The following ADNP2 variants were observed in gnomAD, a reference collection of about 807,000 sequenced individuals.
ADNP2 encodes ADNP homeobox 2.
Under a neutral mutation model 16.4 loss-of-function variants are expected in ADNP2, and 8 were observed. The observed-to-expected ratio is 0.49, with a 90% CI of 0.29 to 0.88. ADNP2 has a LOEUF of 0.88. ADNP2 is among the 40% of genes least tolerant of loss of function. The pLI is 0.09. For missense variants in ADNP2, 1,397 were observed against 1,395.1 expected (o/e 1.00, Z -0.02); for synonymous variants, 637 against 545.8 (o/e 1.17, Z -2.33).
intron 2 of ADNP2, among the ~76,000 whole-genome samples, chr18:80,127,156 A>G (rs1465777736): frequency 6.6e-6 from 1 of 152,070 alleles, no homozygotes; most frequent in Non-Finnish European, 1.5e-5. Flanking sequence ...TATAAGTTGT[A>G]TTTTATTGTA....
At position 80,125,819 on chromosome 18, in the gene ADNP2, T is replaced by A. The variant is rs1314654381; in HGVS notation, c.109-7284T>A. Among the ~76,000 whole-genome samples, 3 of 151,914 alleles carry A rather than the reference T, an allele frequency of 2.0e-5. No individual in the cohort carries two copies. In the East Asian group the frequency reaches 5.8e-4, roughly 29 times the overall value. On this transcript the variant is annotated intron_variant, in intron 2 of 3. Coordinates refer to ENST00000262198, the MANE Select transcript of ADNP2 (RefSeq NM_014913.4). ...AAGTGAGACACTGTCTCAAAAAAAATTTTTTTAATTAAAAGAAGTTTATTG... is the reference window on the plus strand; with the variant it reads ...AAGTGAGACACTGTCTCAAAAAAAAATTTTTTAATTAAAAGAAGTTTATTG...
In ADNP2 at chr18:80,135,762, C is replaced by T; in HGVS notation, c.349C>T (p.Pro117Ser). 6.2e-7 allele frequency: 1 copy of T among 1,614,194 alleles called. No homozygotes were observed. Among genetic ancestry groups the T allele is most frequent in the Non-Finnish European group, 8.5e-7 (1 of 1,180,036 alleles). The change falls in exon 4 of 4, where the codon CCC becomes TCC. Residue 117 changes from proline (P) to serine (S), a missense_variant. By Grantham distance (74) the Pro-to-Ser change is moderately conservative (BLOSUM62 -1). Coordinates refer to ENST00000262198, the MANE Select transcript of ADNP2 (RefSeq NM_014913.4). Reference protein sequence around the residue: ...PCPNCVFASQPKVVGRHFRMF... With the variant: ...PCPNCVFASQSKVVGRHFRMF... ...CCCAAACTGTGTATTTGCATCTCAG[C>T]CCAAAGTTGTGGGAAGGCACTTCAG...
Position 80,136,484 on chromosome 18 carries a change from T to A in ADNP2, c.1071T>A (p.Leu357=), listed in dbSNP as rs1357157150. Residue 357 remains leucine (L), a synonymous_variant, in exon 4 of 4, where the codon CTT becomes CTA. Coordinates refer to ENST00000262198, the MANE Select transcript of ADNP2 (RefSeq NM_014913.4). The part of the protein sequence containing the change: ...LQPPAPQPVF[L]SHGVPLHQSV... ...CCCCAGCACCTCAGCCCGTCTTTCT[T>A]TCTCACGGGGTTCCACTTCATCAGT... The A allele has an allele frequency of 6.2e-7, 1 of 1,614,140 alleles. No homozygotes were observed. The highest frequency in any genetic ancestry group is 1.7e-5 in the Admixed American group (1 of 60,020).
At chr18:80,126,882 A>G (rs1044925446) in intron 2 of ADNP2, among the ~76,000 whole-genome samples, 3 of 152,202 alleles carry the variant, frequency 2.0e-5, no homozygotes, top group African/African-American at 7.2e-5. Flanking sequence ...CACGGTTTGA[A>G]AATATTATAT....
intron 2 of ADNP2, among the ~76,000 whole-genome samples, chr18:80,118,539 A>G (rs936265493): frequency 3.9e-5 from 6 of 152,124 alleles, no homozygotes; most frequent in Non-Finnish European, 4.4e-5. Context: ...AATGTAGTCT[A>G]GGATCAGGTA....
chr18:80,117,501 A>G (rs762101730), intron 1 of ADNP2, 29 bp from the exon 2 acceptor site: 2 of 1,422,774 alleles, frequency 1.4e-6, no homozygotes, highest in Non-Finnish European at 1.9e-6. Context: ...ACATGTACTT[A>G]TTACAGTTTT....
chr18:80,133,400 T>TA (rs2052511167), intron 3 of ADNP2, among the ~76,000 whole-genome samples: 1 of 152,322 alleles, frequency 6.6e-6, no homozygotes, highest in African/African-American at 2.4e-5. Flanking sequence ...GCAGAGTTGA[T>TA]ACAGTGATGC....
chr18:80,133,834 A>ATT (rs746819845), intron 3 of ADNP2: 8 of 144,920 alleles, frequency 5.5e-5, no homozygotes, highest in South Asian at 2.2e-4. Flanking sequence ...CGTTGTCAGA[A>ATT]TTTTTTTTTT....
In ADNP2 at chr18:80,135,661, A is replaced by G. The variant is rs1478767422; in HGVS notation, c.248A>G (p.Lys83Arg). 6.2e-7 allele frequency: 1 copy of G among 1,614,126 alleles called. No individual in the cohort carries two copies. Among genetic ancestry groups the G allele is most frequent in the East Asian group, 2.2e-5 (1 of 44,902 alleles). Reference protein sequence around the residue: ...YCCGLCKYSTKVLTSFKNHLH... With the variant: ...YCCGLCKYSTRVLTSFKNHLH... ...TGTGGCCTCTGTAAATACTCTACAA[A>G]GGTGCTTACTTCATTCAAGAATCAT... The change falls in exon 4 of 4, where the codon AAG becomes AGG. Residue 83 changes from lysine (K) to arginine (R), a missense_variant. By Grantham distance (26) the Lys-to-Arg change is conservative. Around this residue, in one of 3 missense-constraint regions of ADNP2, gnomAD observed 777 missense variants for 719.4 expected, o/e 1.08. Coordinates refer to ENST00000262198, the MANE Select transcript of ADNP2 (RefSeq NM_014913.4).
intron 2 of ADNP2, among the ~76,000 whole-genome samples, chr18:80,123,059 A>G (rs2052435144): frequency 6.6e-6 from 1 of 151,906 alleles, no homozygotes; most frequent in Admixed American, 6.6e-5. Flanking sequence ...CTTTGTGCCA[A>G]TTGTGATAAC....
In ADNP2 at chr18:80,136,593, C is replaced by G; in HGVS notation, c.1180C>G (p.Gln394Glu). Residue 394 changes from glutamine (Q) to glutamate (E), a missense_variant, in exon 4 of 4, where the codon CAG (glutamine) becomes GAG (glutamate). Gln to Glu is a conservative substitution (Grantham distance 29, BLOSUM62 2). Coordinates refer to ENST00000262198, the MANE Select transcript of ADNP2 (RefSeq NM_014913.4). ...TGGAACTAGTGTCCTCCCCATAAAT[C>G]AGACTGTTCGCCCTGGGGTTTTACC... ...SVGTSVLPINQTVRPGVLPLT... is the reference protein window; with the variant it reads ...SVGTSVLPINETVRPGVLPLT... 1 of 1,614,222 alleles carries G rather than the reference C, an allele frequency of 6.2e-7. No individual in the cohort carries two copies. Among genetic ancestry groups the G allele is most frequent in the South Asian group, 1.1e-5 (1 of 91,084 alleles).
In ADNP2 at chr18:80,136,058, T is replaced by C. The variant is rs372290283; in HGVS notation, c.645T>C (p.Tyr215=). Residue 215 remains tyrosine (Y), a synonymous_variant, in exon 4 of 4, where the codon TAT becomes TAC. Coordinates refer to ENST00000262198, the MANE Select transcript of ADNP2 (RefSeq NM_014913.4). ...AGAAGATCCCACCACCTGACAAATA[T>C]TACTGTAAAAAGTGCAACGCCAATG... is the stretch of plus-strand genomic sequence containing the variant. The part of the protein sequence containing the change: ...SIEKIPPPDK[Y]YCKKCNANAS... 1.1e-5 allele frequency: 18 copies of C among 1,614,226 alleles called. No homozygotes were observed. In the African/African-American group the frequency reaches 2.3e-4, roughly 20 times the overall value.
Position 80,137,807 on chromosome 18 carries a change from G to T in ADNP2, c.2394G>T (p.Lys798Asn). 3 of 1,614,168 alleles carry T rather than the reference G, an allele frequency of 1.9e-6. No homozygotes were observed. The highest frequency in any genetic ancestry group is 2.5e-6 in the Non-Finnish European group (3 of 1,180,030). ...GGAATAGGCACCTGGGGAAGAAGAA[G>T]TTGCCTATGGATTATAGCAACAGAG... The part of the protein sequence containing the change: ...HSRNRHLGKK[K>N]LPMDYSNRGF... Residue 798 changes from lysine to asparagine, a missense_variant, in exon 4 of 4, where the codon AAG (lysine) becomes AAT (asparagine). This residue lies in a region of ADNP2 where 611 missense variants were observed against 648.7 expected (regional missense o/e 0.94). Coordinates refer to ENST00000262198, the MANE Select transcript of ADNP2 (RefSeq NM_014913.4). The surrounding 1 kb of genome is among the most constrained non-coding windows in gnomAD (Gnocchi z 4.2).
At chr18:80,124,135 T>G (rs2052443082) in intron 2 of ADNP2, among the ~76,000 whole-genome samples, 1 of 152,222 alleles carries the variant, frequency 6.6e-6, no homozygotes, top group Non-Finnish European at 1.5e-5. Flanking sequence ...AATTTGAAAT[T>G]TTTCTATTTC....
At position 80,136,910 on chromosome 18, in the gene ADNP2, C is replaced by T; in HGVS notation, c.1497C>T (p.Pro499=). Reference sequence around the variant, plus strand: ...AGACAGCTCCGTCACGGGTTCTTCCCCCAGGCCAGACAGCCCCATTGAGGG... The same window carrying T: ...AGACAGCTCCGTCACGGGTTCTTCCTCCAGGCCAGACAGCCCCATTGAGGG... The part of the protein sequence containing the change: ...VGQTAPSRVL[P]PGQTAPLRVI... Residue 499 remains proline (P), a synonymous_variant, in exon 4 of 4, where the codon CCC becomes CCT. Coordinates refer to ENST00000262198, the MANE Select transcript of ADNP2 (RefSeq NM_014913.4). 2 of 1,613,924 alleles carry T rather than the reference C, an allele frequency of 1.2e-6. No homozygotes were observed. The highest frequency in any genetic ancestry group is 1.6e-4 in the Middle Eastern group (1 of 6,062).
chr18:80,131,249 CCT>C (rs1568413026), intron 2 of ADNP2, among the ~76,000 whole-genome samples: 1 of 152,018 alleles, frequency 6.6e-6, no homozygotes, highest in East Asian at 1.9e-4. Context: ...TTCACCTGCC[CCT>C]GAGAGTTACC....
rs143539068 is a variant in ADNP2, at chr18:80,137,261, G to T, written c.1848G>T (p.Thr616=). ...AAGTGAATGGGATTCCAACCTACAC[G>T]CTGGCCCCCGTGTCTGTCACTCTGC... ...GKQVNGIPTY[T]LAPVSVTLPV... is the part of the protein sequence containing the mutation. The change falls in exon 4 of 4, where the codon ACG becomes ACT. Residue 616 remains threonine (T), a synonymous_variant. Transcript: ENST00000262198. This position sits in a 1 kb window ranked among gnomAD's most constrained non-coding sequence, Gnocchi z 4.2. 3.7e-6 allele frequency: 6 copies of T among 1,614,006 alleles called. No individual in the cohort carries two copies. Among genetic ancestry groups the T allele is most frequent in the Admixed American group, 1.7e-5 (1 of 60,010 alleles).
intron 2 of ADNP2, among the ~76,000 whole-genome samples, chr18:80,121,816 G>C (rs997357745): frequency 1.1e-4 from 17 of 152,190 alleles, no homozygotes; most frequent in African/African-American, 4.1e-4. Flanking sequence ...GAATGGACTT[G>C]GCACCCTTAT....
chr18:80,135,460 A>G (rs1045476304), intron 3 of ADNP2, 152 bp from the exon 4 acceptor site: 2 of 747,396 alleles, frequency 2.7e-6, no homozygotes, highest in African/African-American at 1.8e-5. Context: ...CCCTTCACAG[A>G]AAAAGTTTGC....
Sources: gnomAD v4.1 joint callset for allele counts (sites outside exome capture counted in the v4.1 genomes callset) on GRCh38, gnomAD v4.1.1 for gene constraint, gnomAD v4.1.1 regional missense constraint, Gnocchi (gnomAD v3.1) non-coding constraint, MANE v1.5 for transcripts, NCBI Gene and HGNC (gene_info 2026-07-23, HGNC 2026-07-21) for gene names.